Variants in TRPM7 observed in about 807,000 individuals in gnomAD.
TRPM7 encodes the protein LTRPC ion channel family member 7.
TRPM7 carries 134 observed loss-of-function variants against 229.7 expected under a neutral mutation model. The observed-to-expected ratio is 0.58, with a 90% CI of 0.51 to 0.67. The LOEUF is 0.67. Among genes scored for constraint, TRPM7 ranks in the 30% least tolerant of loss-of-function variants. TRPM7 has a pLI of 0.00. For synonymous variants in TRPM7, 699 were observed against 715.2 expected (o/e 0.98, Z 0.36); for missense variants, 1,901 against 2,210.0 (o/e 0.86, Z 2.80).
intron 27 of TRPM7, among the ~76,000 whole-genome samples, chr15:50,588,580 C>T (rs558271141): frequency 3.9e-5 from 6 of 152,160 alleles, no homozygotes; most frequent in African/African-American, 7.2e-5. Context: ...GAAACTCCTA[C>T]GTCATTATCA....
intron 1 of TRPM7, among the ~76,000 whole-genome samples, chr15:50,679,533 TATA>T (rs376112495): frequency 0.23 from 11,416 of 50,708 alleles, 890 homozygotes; most frequent in Non-Finnish European, 0.29. Flanking sequence ...TATATATATA[TATA>T]TATTTTTTTT....
intron 13 of TRPM7, among the ~76,000 whole-genome samples, chr15:50,615,494 T>C (rs1040536517): frequency 2.0e-5 from 3 of 152,196 alleles, no homozygotes; most frequent in African/African-American, 7.2e-5. Context: ...GTTTTAAAAT[T>C]TAAAAACTGG....
intron 22 of TRPM7, among the ~76,000 whole-genome samples, chr15:50,597,858 G>A (rs1014878231): frequency 2.0e-5 from 3 of 152,054 alleles, no homozygotes; most frequent in African/African-American, 7.2e-5. Context: ...GACAGAGGTT[G>A]CAGTGAGCCA....
At chr15:50,578,559 C>T (rs1460035591) in intron 31 of TRPM7, 80 bp downstream of exon 31, 1 of 1,400,488 alleles carries the variant, frequency 7.1e-7, no homozygotes, top group Non-Finnish European at 1.0e-6. Context: ...AATATCTTAC[C>T]TAGAATAATG....
rs1417724720 is a variant in TRPM7, at chr15:50,575,741, G to A, written c.4718C>T (p.Thr1573Ile). 1.9e-6 allele frequency: 3 copies of A among 1,612,924 alleles called. No individual in the cohort carries two copies. Among genetic ancestry groups the A allele is most frequent in the Non-Finnish European group, 2.5e-6 (3 of 1,179,600 alleles). Residue 1573 changes from threonine to isoleucine, a missense_variant, in exon 33 of 39, where the codon ACA (threonine) becomes ATA (isoleucine). Thr to Ile is a moderately conservative substitution (Grantham distance 89). Coordinates refer to ENST00000646667, the MANE Select transcript of TRPM7 (RefSeq NM_017672.6). ...GGATTTACCTCTTGGAGGCACAGGT[G>A]TAAATGGAATGCTCTGTGATAACCT... The part of the protein sequence containing the change: ...LMRLSQSIPF[T>I]PVPPRGEPVT...
chr15:50,626,099 T>C (rs2060551183), intron 11 of TRPM7, among the ~76,000 whole-genome samples: 2 of 152,224 alleles, frequency 1.3e-5, no homozygotes, highest in African/African-American at 4.8e-5. Flanking sequence ...ATACTTGTAT[T>C]AGTATGTATA....
chr15:50,603,516 A>G (rs1393454359), intron 21 of TRPM7, among the ~76,000 whole-genome samples: 1 of 151,022 alleles, frequency 6.6e-6, no homozygotes, highest in Non-Finnish European at 1.5e-5. Flanking sequence ...CGTGTGTCCA[A>G]GTGTTCTCAT....
chr15:50,618,388 G>C (rs970786981), intron 13 of TRPM7, among the ~76,000 whole-genome samples: 1 of 151,956 alleles, frequency 6.6e-6, no homozygotes, highest in African/African-American at 2.4e-5. Context: ...GGCTAACATG[G>C]TGAAACCCCG....
At chr15:50,686,429 C>A in intron 1 of TRPM7, 102 bp downstream of exon 1, 1 of 1,594,900 alleles carries the variant, frequency 6.3e-7, no homozygotes, top group Non-Finnish European at 8.6e-7. Flanking sequence ...GGGTCCTTCG[C>A]CGCATGGAAC....
chr15:50,629,453 T>C lies in TRPM7; in HGVS notation c.1205-1204A>G, dbSNP rs961267387. Among the ~76,000 whole-genome samples the C allele has an allele frequency of 4.7e-5, 7 of 149,532 alleles. 1 individual carries two copies. The highest frequency in any genetic ancestry group is 1.8e-4 in the African/African-American group (7 of 39,872). On this transcript the variant is annotated intron_variant, in intron 10 of 38. Transcript: ENST00000646667. Reference sequence around the variant, plus strand: ...ACACCAGGCTAAGTTTTGTATTTTTTGTAGAGATAGGGTTTTGCCAAATTG... The same window carrying C: ...ACACCAGGCTAAGTTTTGTATTTTTCGTAGAGATAGGGTTTTGCCAAATTG...
chr15:50,652,712 G>T (rs1340703485), intron 3 of TRPM7, among the ~76,000 whole-genome samples: 2 of 151,724 alleles, frequency 1.3e-5, no homozygotes, highest in Admixed American at 1.3e-4. Flanking sequence ...TTCTGCTTTG[G>T]AAAAAAACAA....
At chr15:50,624,946 TA>T (rs2060513793) in intron 11 of TRPM7, among the ~76,000 whole-genome samples, 1 of 152,208 alleles carries the variant, frequency 6.6e-6, no homozygotes, top group Non-Finnish European at 1.5e-5. Flanking sequence ...CATTCATCAT[TA>T]TGGAAAAGAA....
chr15:50,667,521 A>C, intron 1 of TRPM7, among the ~76,000 whole-genome samples: 1 of 152,172 alleles, frequency 6.6e-6, no homozygotes, highest in Non-Finnish European at 1.5e-5. Flanking sequence ...AGCCTGGCCG[A>C]CATGTAAAAC....
chr15:50,677,738 CAAAAAAAAAAA>C (rs10652951), intron 1 of TRPM7, among the ~76,000 whole-genome samples: 1 of 38,178 alleles, frequency 2.6e-5, no homozygotes, highest in Non-Finnish European at 5.1e-5. Flanking sequence ...GACCCCGTAT[CAAAAAAAAAAA>C]AAAAAAAAAA....
chr15:50,658,986 C>T (rs532281658), intron 2 of TRPM7, among the ~76,000 whole-genome samples: 39 of 152,232 alleles, frequency 2.6e-4, no homozygotes, highest in African/African-American at 8.9e-4. Flanking sequence ...ATCACGAGGT[C>T]AGGAGATCAA....
In TRPM7 at chr15:50,592,240, T is replaced by G. The variant is rs2059522483; in HGVS notation, c.3995A>C (p.Gln1332Pro). The change falls in exon 26 of 39, where the codon CAA becomes CCA. Residue 1332 changes from glutamine to proline, a missense_variant. Transcript: ENST00000646667. ...DKDPQCNIFG[Q>P]DLPAVPQRKE... ...TCTCTGGGGTACTGCAGGTAAGTCTTGACCAAATATATTACACTGGGGATC... is the reference window on the plus strand; with the variant it reads ...TCTCTGGGGTACTGCAGGTAAGTCTGGACCAAATATATTACACTGGGGATC... The G allele has an allele frequency of 6.2e-7, 1 of 1,614,176 alleles. No individual in the cohort carries two copies. Among genetic ancestry groups the G allele is most frequent in the South Asian group, 1.1e-5 (1 of 91,082 alleles).
chr15:50,639,625 G>T, intron 5 of TRPM7, 77 bp from the exon 6 acceptor site: 1 of 1,386,120 alleles, frequency 7.2e-7, no homozygotes, highest in Non-Finnish European at 9.8e-7. Flanking sequence ...AGAGAGCAGT[G>T]GCGCAATGAC....
rs184632871 is a variant in TRPM7, at chr15:50,644,540, C to T, written c.322-987G>A. On this transcript the variant is annotated intron_variant, in intron 4 of 38. Coordinates refer to ENST00000646667, the MANE Select transcript of TRPM7 (RefSeq NM_017672.6). ...CCAAAAGGCCAGGCACAGTGGCTCA[C>T]GCCTGTAATCCCAGCACTGTGGGAG... is the stretch of plus-strand genomic sequence containing the variant. 7.9e-4 allele frequency among the ~76,000 whole-genome samples: 121 copies of T among 152,282 alleles called. 2 individuals are homozygous for T. The highest frequency in any genetic ancestry group is 2.8e-3 in the African/African-American group (116 of 41,556).
rs191154674 is a variant in TRPM7 at position 50,674,470 on chromosome 15, A to G, written c.4-11424T>C. Among the ~76,000 whole-genome samples the G allele has an allele frequency of 8.5e-5, 13 of 152,276 alleles. No individual in the cohort carries two copies. The East Asian group carries it at 2.5e-3, about 29-fold the overall frequency. On this transcript the variant is annotated intron_variant, in intron 1 of 38. Coordinates refer to ENST00000646667, the MANE Select transcript of TRPM7 (RefSeq NM_017672.6). ...TAATAAATTTCTGATGTCACAATGT[A>G]TATGTTTTTGTACTATGTATCCCTT...
Sources: gnomAD v4.1 joint callset for allele counts (sites outside exome capture counted in the v4.1 genomes callset) on GRCh38, gnomAD v4.1.1 for gene constraint, MANE v1.5 for transcripts, NCBI Gene and HGNC (gene_info 2026-07-23, HGNC 2026-07-21) for gene names.